Variants in GGA1 observed in about 807,000 individuals in gnomAD.
The protein encoded by GGA1 is golgi associated, gamma adaptin ear containing, ARF binding protein 1, also known as ADP-ribosylation factor-binding protein GGA1.
GGA1 carries 18 observed loss-of-function variants against 76.9 expected under a neutral mutation model. The observed-to-expected ratio is 0.23, with a 90% CI of 0.16 to 0.35. The LOEUF (loss-of-function observed/expected upper bound fraction) is 0.35. Ranked by LOEUF, GGA1 falls within the 10% of genes least tolerant of loss-of-function variation. The pLI is 1.00. For missense variants in GGA1, 755 were observed against 859.0 expected, an observed-to-expected ratio of 0.88 and a Z score of 1.51; for synonymous variants, 342 against 354.7, an observed-to-expected ratio of 0.96 and a Z score of 0.40.
intron 13 of GGA1, 27 bp from the exon 14 acceptor site, chr22:37,630,876 T>A: frequency 6.4e-7 from 1 of 1,561,412 alleles, no homozygotes; most frequent in Non-Finnish European, 8.8e-7. Context: ...CAAGAATCAC[T>A]TCTTAATGCA....
At chr22:37,631,946 G>T in intron 14 of GGA1, 50 bp from the exon 15 acceptor site, 2 of 1,524,882 alleles carry the variant, frequency 1.3e-6, no homozygotes, top group Non-Finnish European at 8.9e-7. Flanking sequence ...GGGGCTGAGC[G>T]GATGTGCTGC....
chr22:37,611,758 C>A (rs902661925), intron 1 of GGA1, among the ~76,000 whole-genome samples: 1 of 152,208 alleles, frequency 6.6e-6, no homozygotes, highest in Non-Finnish European at 1.5e-5. Flanking sequence ...GCAGAACTGG[C>A]TGGGAAGGGG....
At chr22:37,617,059 A>C (rs1292240311) in intron 3 of GGA1, 62 bp downstream of exon 3, 4 of 1,556,702 alleles carry the variant, frequency 2.6e-6, no homozygotes, top group Non-Finnish European at 3.5e-6. Context: ...GGAGGCCAAG[A>C]CTGAGGTTCT....
chr22:37,609,060 G>A lies in GGA1; in HGVS notation c.43+157G>A. 5 of 1,489,934 alleles carry A rather than the reference G, an allele frequency of 3.4e-6. No individual in the cohort carries two copies. In the South Asian group the frequency reaches 6.2e-5, roughly 19 times the overall value. 92.3% of individuals were successfully genotyped at this position (1,489,934 alleles called of 1,614,324 possible). ...TCCTCAGTCGGCCCCTCAGACCCTG[G>A]AGCGATGGAGGACCCCGGCCCCGGC... On this transcript the variant is annotated intron_variant, in intron 1 of 16. Transcript: ENST00000343632.
Position 37,632,111 on chromosome 22 carries a change from G to A in GGA1, c.1644G>A (p.Leu548=). 1.2e-6 allele frequency: 2 copies of A among 1,613,792 alleles called. No individual in the cohort carries two copies. Among genetic ancestry groups the A allele is most frequent in the Non-Finnish European group, 1.7e-6 (2 of 1,179,984 alleles). ...SDVLVVVVSM[L]STAPQPIRNI... is the part of the protein sequence containing the mutation. ...TGCTGGTGGTGGTGGTTTCCATGCT[G>A]AGCACCGCCCCCCAGCCCATCCGCA... Residue 548 remains leucine, a synonymous_variant, in exon 15 of 17, where the codon CTG becomes CTA. Coordinates refer to ENST00000343632, the MANE Select transcript of GGA1 (RefSeq NM_013365.5). The surrounding 1 kb of genome is among the most constrained non-coding windows in gnomAD (Gnocchi z 5.1).
intron 2 of GGA1, among the ~76,000 whole-genome samples, chr22:37,616,247 C>G (rs535939891): frequency 1.3e-5 from 2 of 152,132 alleles, no homozygotes; most frequent in Non-Finnish European, 2.9e-5. Flanking sequence ...CGAGTCCTGT[C>G]CCCTCTCTTA....
At chr22:37,614,007 A>C in intron 1 of GGA1, 183 bp from the exon 2 acceptor site, 1 of 579,580 alleles carries the variant, frequency 1.7e-6, no homozygotes, top group Non-Finnish European at 3.1e-6. Context: ...AGCTGTGCTC[A>C]TCTGTCTGTC....
chr22:37,609,126 T>A, intron 1 of GGA1: 1 of 1,479,750 alleles, frequency 6.8e-7, no homozygotes, highest in Non-Finnish European at 9.0e-7. Context: ...ACCTGTCGGA[T>A]CCCTGGGCCA....
chr22:37,616,781 G>A lies in GGA1; in HGVS notation c.129-141G>A, dbSNP rs185495089. 4.8e-5 allele frequency: 48 copies of A among 992,520 alleles called. No individual in the cohort carries two copies. In the African/African-American group the frequency reaches 5.4e-4, roughly 11 times the overall value. 61.5% of individuals were successfully genotyped at this position (992,520 alleles called of 1,614,324 possible). A position where few individuals can be genotyped will look rare whatever the true frequency, so the allele number is the denominator to read the frequency against. On this transcript the variant is annotated intron_variant, in intron 2 of 16. Transcript: ENST00000343632. ...AACCTTAGAGGGCTGAAGTCTCGGCGGCGGGCTGGGGTGGTGACCCTCCCC... is the reference window on the plus strand; with the variant it reads ...AACCTTAGAGGGCTGAAGTCTCGGCAGCGGGCTGGGGTGGTGACCCTCCCC...
At chr22:37,610,808 G>A (rs564950142) in intron 1 of GGA1, 1 of 152,388 alleles carries the variant, frequency 6.6e-6, no homozygotes, top group Admixed American at 6.5e-5. Flanking sequence ...TGCTAGGGAG[G>A]GTACTCCCCT....
chr22:37,621,641 C>G lies in GGA1; in HGVS notation c.554C>G (p.Ser185Cys). ...SKMLARLLKS[S>C]HPEDLRAANK... ...ATGCTGGCCCGCCTGCTGAAGAGCT[C>G]CCATCCCGAAGACCTCCGCGCAGCC... The change falls in exon 7 of 17, where the codon TCC (serine) becomes TGC (cysteine). Residue 185 changes from serine (S) to cysteine (C), a missense_variant. Coordinates refer to ENST00000343632, the MANE Select transcript of GGA1 (RefSeq NM_013365.5). The G allele has an allele frequency of 6.4e-7, 1 of 1,553,908 alleles. No homozygotes were observed. Among genetic ancestry groups the G allele is most frequent in the Non-Finnish European group, 8.7e-7 (1 of 1,148,098 alleles).
At chr22:37,631,486 T>C (rs899786334) in intron 14 of GGA1, among the ~76,000 whole-genome samples, 1 of 152,104 alleles carries the variant, frequency 6.6e-6, no homozygotes, top group Non-Finnish European at 1.5e-5. Flanking sequence ...AAGGGGACCA[T>C]GGCCCAGCCC....
chr22:37,613,192 G>A (rs1363148116), intron 1 of GGA1: 3 of 979,576 alleles, frequency 3.1e-6, no homozygotes, highest in African/African-American at 3.5e-5. Flanking sequence ...TGGTGTGATG[G>A]TAAGACTCAC....
chr22:37,619,515 A>G (rs1568979121), intron 4 of GGA1, among the ~76,000 whole-genome samples: 1 of 151,716 alleles, frequency 6.6e-6, no homozygotes, highest in Non-Finnish European at 1.5e-5. Flanking sequence ...AGTAGCTGCA[A>G]TTATAGGTGC....
chr22:37,617,512 G>C, intron 3 of GGA1: 1 of 990,788 alleles, frequency 1.0e-6, no homozygotes, highest in South Asian at 4.5e-5. Context: ...ATTTTAAGTG[G>C]TGGTAGAGAT....
Position 37,632,021 on chromosome 22 carries a change from T to C in GGA1, c.1554T>C (p.Tyr518=), listed in dbSNP as rs936559970. 21 of 1,612,660 alleles carry C rather than the reference T, an allele frequency of 1.3e-5. No individual in the cohort carries two copies. Among genetic ancestry groups the C allele is most frequent in the Non-Finnish European group, 1.7e-5 (20 of 1,179,828 alleles). The change falls in exon 15 of 17, where the codon TAT becomes TAC. Residue 518 remains tyrosine, a synonymous_variant. Coordinates refer to ENST00000343632, the MANE Select transcript of GGA1 (RefSeq NM_013365.5). The surrounding 1 kb of genome is among the most constrained non-coding windows in gnomAD (Gnocchi z 5.1). ...GCAACATCCTGCCCGTGACTGTGTA[T>C]GACCAGCACGGCTTCCGCATCCTCT... ...KPSNILPVTV[Y]DQHGFRILFH...
At position 37,632,091 on chromosome 22, in the gene GGA1, G is replaced by C; in HGVS notation, c.1624G>C (p.Val542Leu). 2.5e-6 allele frequency: 4 copies of C among 1,613,292 alleles called. No individual in the cohort carries two copies. The highest frequency in any genetic ancestry group is 3.4e-6 in the Non-Finnish European group (4 of 1,179,620). Reference protein sequence around the residue: ...DPLPGRSDVLVVVVSMLSTAP... With the variant: ...DPLPGRSDVLLVVVSMLSTAP... The stretch of plus-strand genomic sequence containing the variant: ...ACTGCCAGGGCGCTCCGACGTGCTG[G>C]TGGTGGTGGTTTCCATGCTGAGCAC... Residue 542 changes from valine (V) to leucine (L), a missense_variant, in exon 15 of 17, where the codon GTG (valine) becomes CTG (leucine). Coordinates refer to ENST00000343632, the MANE Select transcript of GGA1 (RefSeq NM_013365.5). This position sits in a 1 kb window ranked among gnomAD's most constrained non-coding sequence, Gnocchi z 5.1.
chr22:37,627,310 G>A (rs965934779), intron 11 of GGA1: 1 of 152,378 alleles, frequency 6.6e-6, no homozygotes, highest in African/African-American at 2.4e-5. Flanking sequence ...AAAAGGAAAT[G>A]AGGACCCGGA....
rs749327909 is a variant in GGA1, at chr22:37,616,961, G to T, written c.168G>T (p.Gln56His). The T allele has an allele frequency of 1.2e-6, 2 of 1,609,418 alleles. No individual in the cohort carries two copies. Among genetic ancestry groups the T allele is most frequent in the Admixed American group, 3.4e-5 (2 of 59,394 alleles). ...LATRLLAHKIQSPQEWEAIQA... is the reference protein window; with the variant it reads ...LATRLLAHKIHSPQEWEAIQA... ...CCCGGCTGCTGGCCCACAAGATCCA[G>T]TCCCCACAGGAGTGGGAGGCGATCC... The change falls in exon 3 of 17, where the codon CAG (glutamine) becomes CAT (histidine). Residue 56 changes from glutamine to histidine, a missense_variant. Physicochemically the swap from Gln to His is conservative, Grantham distance 24 (BLOSUM62 0). Transcript: ENST00000343632.
Sources: allele counts gnomAD v4.1 joint callset (sites outside exome capture counted in the v4.1 genomes callset), GRCh38; gene constraint gnomAD v4.1.1; non-coding constraint Gnocchi (gnomAD v3.1); transcripts MANE v1.5; gene names NCBI Gene and HGNC (gene_info 2026-07-23, HGNC 2026-07-21).